Variants in DLC1 observed in about 807,000 individuals in gnomAD.
The protein encoded by DLC1 is rho GTPase-activating protein 7.
In DLC1, 54 loss-of-function variants were observed where a neutral mutation model predicts 140.3. The ratio of observed to expected loss-of-function variants is 0.38; its 90% confidence interval spans 0.31 to 0.48. DLC1 has a LOEUF of 0.48. Ranked by LOEUF, DLC1 falls within the 20% of genes least tolerant of loss-of-function variation. The pLI is 0.96. For synonymous variants in DLC1, 986 were observed against 728.1 expected, an observed-to-expected ratio of 1.35 and a Z score of -5.70; for missense variants, 2,536 against 1,907.0, an observed-to-expected ratio of 1.33 and a Z score of -6.14.
intron 3 of DLC1, among the ~76,000 whole-genome samples, chr8:13,401,159 G>A (rs918539957): frequency 4.8e-4 from 73 of 152,104 alleles, no homozygotes; most frequent in African/African-American, 1.9e-4. Flanking sequence ...AGTCTCTCTC[G>A]TATCAGAGAA....
At chr8:13,301,810 A>G (rs987026796) in intron 5 of DLC1, among the ~76,000 whole-genome samples, 1 of 152,212 alleles carries the variant, frequency 6.6e-6, no homozygotes, top group African/African-American at 2.4e-5. Context: ...TCAGAGAAGC[A>G]TGAACCCTGT....
At chr8:13,258,001 G>A (rs572719373) in intron 5 of DLC1, among the ~76,000 whole-genome samples, 9 of 152,260 alleles carry the variant, frequency 5.9e-5, no homozygotes, top group East Asian at 5.8e-4. Context: ...TACCAACAGC[G>A]GACTTCTCCA....
intron 4 of DLC1, among the ~76,000 whole-genome samples, chr8:13,332,190 A>G (rs1833619440): frequency 6.6e-6 from 1 of 152,232 alleles, no homozygotes; most frequent in African/African-American, 2.4e-5. Context: ...ATTTTTGAAA[A>G]TCATTGTAAA....
At chr8:13,471,635 C>G (rs1026287592) in intron 2 of DLC1, among the ~76,000 whole-genome samples, 2 of 151,750 alleles carry the variant, frequency 1.3e-5, no homozygotes, top group East Asian at 1.9e-4. Context: ...AACCCTATGA[C>G]ACGAGTTTAC....
At chr8:13,481,885 C>A (rs1274609676) in intron 2 of DLC1, among the ~76,000 whole-genome samples, 1 of 152,160 alleles carries the variant, frequency 6.6e-6, no homozygotes, top group Non-Finnish European at 1.5e-5. Context: ...TAGTCACACA[C>A]ACACACGAAG....
intron 2 of DLC1, among the ~76,000 whole-genome samples, chr8:13,407,073 G>T (rs1029132875): frequency 6.6e-6 from 1 of 152,142 alleles, no homozygotes; most frequent in Non-Finnish European, 1.5e-5. Context: ...TCAGACATAG[G>T]TCAATAGATA....
At chr8:13,261,828 G>T (rs1830481342) in intron 5 of DLC1, among the ~76,000 whole-genome samples, 1 of 152,156 alleles carries the variant, frequency 6.6e-6, no homozygotes, top group Non-Finnish European at 1.5e-5. Context: ...GTGATTTGGA[G>T]CAAGATACTT....
intron 1 of DLC1, among the ~76,000 whole-genome samples, chr8:13,534,942 T>C (rs1803222804): frequency 6.7e-6 from 1 of 149,514 alleles, no homozygotes; most frequent in Admixed American, 6.6e-5. Context: ...ACTGATGTAG[T>C]ACAGCTGACT....
intron 1 of DLC1, among the ~76,000 whole-genome samples, chr8:13,512,533 C>G (rs1417124665): frequency 6.6e-6 from 1 of 152,118 alleles, no homozygotes; most frequent in African/African-American, 2.4e-5. Context: ...TGCAAACATG[C>G]TGGAGAAATG....
At chr8:13,128,901 T>TAATTATGATGGCAAGGAAGAACA (rs1554580355) in intron 5 of DLC1, among the ~76,000 whole-genome samples, 11 of 150,170 alleles carry the variant, frequency 7.3e-5, no homozygotes, top group Non-Finnish European at 1.3e-4. Flanking sequence ...TGTTCTCCAT[T>TAATTATGATGGCAAGGAAGAACA]AATTATGATG....
At position 13,502,454 on chromosome 8, in the gene DLC1, A is replaced by T. The variant is rs537492142; in HGVS notation, c.-125-2258T>A. Among the ~76,000 whole-genome samples, 54 of 152,244 alleles carry T rather than the reference A, an allele frequency of 3.5e-4. No homozygotes were observed. In the South Asian group the frequency reaches 6.8e-3, roughly 19 times the overall value. ...TGTCATGTGGTCTGATAGTTTTTTT[A>T]AAAAAATGAATGTCTGCAAGCTCTC... is the stretch of plus-strand genomic sequence containing the variant. On this transcript the variant is annotated intron_variant, in intron 1 of 17. Transcript: ENST00000276297.
intron 5 of DLC1, among the ~76,000 whole-genome samples, chr8:13,209,002 T>G (rs1418279026): frequency 6.6e-6 from 1 of 152,196 alleles, no homozygotes; most frequent in Non-Finnish European, 1.5e-5. Flanking sequence ...TGACAAATGT[T>G]AAAGAAGATG....
intron 1 of DLC1, among the ~76,000 whole-genome samples, chr8:13,582,938 G>A (rs1188501993): frequency 7.6e-6 from 1 of 132,052 alleles, no homozygotes; most frequent in Non-Finnish European, 1.6e-5. Flanking sequence ...ATAGCATTAT[G>A]TCTAAAACGG....
chr8:13,419,077 T>G (rs954871414), intron 2 of DLC1, among the ~76,000 whole-genome samples: 2 of 152,116 alleles, frequency 1.3e-5, no homozygotes, highest in African/African-American at 4.8e-5. Flanking sequence ...ATCCTGAGAC[T>G]TTGCTGAAGT....
Position 13,099,936 on chromosome 8 carries a change from A to T in DLC1, c.2401T>A (p.Tyr801Asn), listed in dbSNP as rs781037877. 3.7e-6 allele frequency: 6 copies of T among 1,613,700 alleles called. No individual in the cohort carries two copies. In the East Asian group the frequency reaches 6.7e-5, roughly 18 times the overall value. ...VEQNFKNRES[Y>N]PEDTVFYIPE... Reference sequence around the variant, plus strand: ...ATGTAGAACACCGTGTCCTCTGGGTAGCTCTCGCGGTTCTTAAAGTTCTGC... The same window carrying T: ...ATGTAGAACACCGTGTCCTCTGGGTTGCTCTCGCGGTTCTTAAAGTTCTGC... Residue 801 changes from tyrosine to asparagine, a missense_variant, in exon 9 of 18, where the codon TAC (tyrosine) becomes AAC (asparagine). Physicochemically the swap from Tyr to Asn is moderately radical, Grantham distance 143. Transcript: ENST00000276297.
intron 5 of DLC1, among the ~76,000 whole-genome samples, chr8:13,276,014 C>T (rs550998906): frequency 3.3e-4 from 51 of 152,302 alleles, no homozygotes; most frequent in African/African-American, 9.9e-4. Flanking sequence ...CTCATAATTC[C>T]TTATCTAGAA....
chr8:13,182,395 C>T (rs140738295), intron 5 of DLC1, among the ~76,000 whole-genome samples: 2,691 of 152,082 alleles, frequency 0.018, 76 homozygotes, highest in African/African-American at 0.061. Context: ...AATCCTTGCC[C>T]GTGCCTATGT....
intron 1 of DLC1, among the ~76,000 whole-genome samples, chr8:13,541,695 G>T (rs972259312): frequency 2.0e-5 from 3 of 151,956 alleles, no homozygotes; most frequent in Non-Finnish European, 4.4e-5. Context: ...GACTACAGGC[G>T]CCTGCCACCA....
intron 2 of DLC1, among the ~76,000 whole-genome samples, chr8:13,487,713 C>T (rs1199353278): frequency 6.6e-6 from 1 of 151,944 alleles, no homozygotes; most frequent in African/African-American, 2.4e-5. Flanking sequence ...GCTGGGATGA[C>T]AGGTGCCCAC....
Sources: gnomAD v4.1 joint callset for allele counts (sites outside exome capture counted in the v4.1 genomes callset) on GRCh38, gnomAD v4.1.1 for gene constraint, MANE v1.5 for transcripts, NCBI Gene and HGNC (gene_info 2026-07-23, HGNC 2026-07-21) for gene names.